SRD5A2: variants seen among roughly 807,000 people sequenced by gnomAD.
The protein encoded by SRD5A2 is steroid 5 alpha-reductase 2.
In SRD5A2, 30 loss-of-function variants were observed where a neutral mutation model predicts 27.4. The observed-to-expected ratio is 1.10, with a 90% CI of 0.82 to 1.49. The LOEUF is 1.49. Among genes scored for constraint, SRD5A2 ranks in the 40% most tolerant of loss-of-function variants. The pLI, the probability that SRD5A2 is intolerant of heterozygous loss-of-function variation, is 0.00. For missense variants in SRD5A2, 348 were observed against 323.4 expected, an observed-to-expected ratio of 1.08 and a Z score of -0.58; for synonymous variants, 141 against 133.6, an observed-to-expected ratio of 1.06 and a Z score of -0.38.
At chr2:31,550,204 C>A (rs1375017300) in intron 1 of SRD5A2, among the ~76,000 whole-genome samples, 1 of 151,900 alleles carries the variant, frequency 6.6e-6, no homozygotes, top group East Asian at 1.9e-4. Context: ...TTTTTTGTAA[C>A]CACTTTAAAA....
chr2:31,541,806 A>T (rs1163128876), intron 1 of SRD5A2, among the ~76,000 whole-genome samples: 1 of 152,212 alleles, frequency 6.6e-6, no homozygotes. Context: ...GGGGCTCTGC[A>T]TTGAACTCAA....
At chr2:31,592,147 G>T in the SRD5A2 span, among the ~76,000 whole-genome samples, 1 of 150,122 alleles carries the variant, frequency 6.7e-6, no homozygotes. Context: ...AAACACAGGA[G>T]TTTCAGCAAT....
the SRD5A2 span, among the ~76,000 whole-genome samples, chr2:31,596,232 A>G: frequency 6.6e-6 from 1 of 152,096 alleles, no homozygotes; most frequent in South Asian, 2.1e-4. Context: ...TACTAAATTT[A>G]CAAAAATTAG....
intron 1 of SRD5A2, among the ~76,000 whole-genome samples, chr2:31,558,599 G>T (rs1666549590): frequency 6.6e-6 from 1 of 152,098 alleles, no homozygotes; most frequent in African/African-American, 2.4e-5. Context: ...CCTCTTATGA[G>T]GACACTAGTC....
At chr2:31,554,070 C>T (rs571347310) in intron 1 of SRD5A2, among the ~76,000 whole-genome samples, 6 of 152,110 alleles carry the variant, frequency 3.9e-5, no homozygotes, top group African/African-American at 1.4e-4. Flanking sequence ...CCTTCCTACC[C>T]ATAACAGGAA....
chr2:31,606,607 G>C, the SRD5A2 span, among the ~76,000 whole-genome samples: 7 of 151,800 alleles, frequency 4.6e-5, no homozygotes, highest in African/African-American at 1.7e-4. Context: ...TCAGTGTCTA[G>C]CATTTTTAGT....
At chr2:31,561,114 A>G (rs947183733) in intron 1 of SRD5A2, among the ~76,000 whole-genome samples, 3 of 152,142 alleles carry the variant, frequency 2.0e-5, no homozygotes, top group Non-Finnish European at 4.4e-5. Context: ...CCCTTTTTCT[A>G]AAATGAAGAC....
At chr2:31,551,255 T>C (rs971873024) in intron 1 of SRD5A2, among the ~76,000 whole-genome samples, 6 of 152,090 alleles carry the variant, frequency 3.9e-5, no homozygotes, top group African/African-American at 1.4e-4. Context: ...AGACTCAATA[T>C]AGCAAGGATA....
chr2:31,580,664 A>T lies in SRD5A2; in HGVS notation c.237T>A (p.Pro79=). Residue 79 remains proline, a synonymous_variant, in exon 1 of 5, where the codon CCT becomes CCA. Transcript: ENST00000622030. ...AGAAGAGGCCCAGAAGTACCGTCCC[A>T]GGTGGCCCGAAGAGGGAGAGGGGCT... ...ARQPLSLFGP[P]GTVLLGLFCL... 6.3e-7 allele frequency: 1 copy of T among 1,594,390 alleles called. No individual in the cohort carries two copies. The highest frequency in any genetic ancestry group is 8.5e-7 in the Non-Finnish European group (1 of 1,176,462).
the SRD5A2 span, among the ~76,000 whole-genome samples, chr2:31,593,267 A>T: frequency 2.6e-5 from 4 of 151,988 alleles, no homozygotes; most frequent in African/African-American, 9.7e-5. Context: ...TAATAATAAT[A>T]AAAAAAAGAA....
At chr2:31,585,757 G>A (rs1412661755), upstream of SRD5A2, among the ~76,000 whole-genome samples, 2 of 152,144 alleles carry the variant, frequency 1.3e-5, no homozygotes, top group Non-Finnish European at 2.9e-5. Context: ...GCTCTTGGGG[G>A]CCCTTGATTC....
chr2:31,659,257 C>T, the SRD5A2 span, among the ~76,000 whole-genome samples: 16 of 151,998 alleles, frequency 1.1e-4, no homozygotes, highest in Non-Finnish European at 2.1e-4. Flanking sequence ...AAGCATTCCC[C>T]TTGAAAACCA....
chr2:31,637,312 G>A, the SRD5A2 span, among the ~76,000 whole-genome samples: 3 of 151,988 alleles, frequency 2.0e-5, no homozygotes, highest in Non-Finnish European at 4.4e-5. Flanking sequence ...GGTCTCATTT[G>A]TTACCAGGTA....
chr2:31,627,823 G>A, the SRD5A2 span, among the ~76,000 whole-genome samples: 1 of 152,012 alleles, frequency 6.6e-6, no homozygotes, highest in Non-Finnish European at 1.5e-5. Context: ...TGGCACTGTA[G>A]TCCAAAGAAT....
chr2:31,611,589 A>G, the SRD5A2 span, among the ~76,000 whole-genome samples: 1 of 152,120 alleles, frequency 6.6e-6, no homozygotes, highest in East Asian at 1.9e-4. Flanking sequence ...TAAGTATGAA[A>G]AGTGCTCAAC....
the SRD5A2 span, among the ~76,000 whole-genome samples, chr2:31,635,396 T>C: frequency 6.6e-6 from 1 of 152,154 alleles, no homozygotes; most frequent in Non-Finnish European, 1.5e-5. Flanking sequence ...AATTGGATTA[T>C]TAGATTTTTT....
chr2:31,585,682 T>C (rs1050354261), upstream of SRD5A2, among the ~76,000 whole-genome samples: 7 of 152,236 alleles, frequency 4.6e-5, no homozygotes, highest in East Asian at 3.9e-4. Flanking sequence ...GGGCCTTGGG[T>C]GAGCCTCTGA....
chr2:31,629,288 C>T, the SRD5A2 span, among the ~76,000 whole-genome samples: 1 of 152,260 alleles, frequency 6.6e-6, no homozygotes, highest in East Asian at 1.9e-4. Context: ...AGGCCAAGAA[C>T]CCCAGGTCAG....
the SRD5A2 span, among the ~76,000 whole-genome samples, chr2:31,630,017 A>ACAGC: frequency 6.6e-6 from 1 of 152,138 alleles, no homozygotes; most frequent in African/African-American, 2.4e-5. Flanking sequence ...ATTTAGGCAT[A>ACAGC]CAGCCCTCAA....
Sources: allele counts gnomAD v4.1 joint callset (sites outside exome capture counted in the v4.1 genomes callset), GRCh38; gene constraint gnomAD v4.1.1; transcripts MANE v1.5; gene names NCBI Gene and HGNC (gene_info 2026-07-23, HGNC 2026-07-21).